Variants in TMPRSS15 observed in about 807,000 individuals in gnomAD.
TMPRSS15 encodes the protein enteropeptidase.
In TMPRSS15, 128 loss-of-function variants were observed where a neutral mutation model predicts 125.3. The ratio of observed to expected loss-of-function variants is 1.02; its 90% confidence interval spans 0.89 to 1.18. The LOEUF is 1.18. Among genes scored for constraint, TMPRSS15 ranks in the 50% most tolerant of loss-of-function variants. TMPRSS15 has a pLI of 0.00. For missense variants in TMPRSS15, 1,283 were observed against 1,212.7 expected, an observed-to-expected ratio of 1.06 and a Z score of -0.86; for synonymous variants, 446 against 423.2, an observed-to-expected ratio of 1.05 and a Z score of -0.66.
chr21:18,277,920 T>G (rs1432541256), intron 23 of TMPRSS15, among the ~76,000 whole-genome samples: 1 of 152,166 alleles, frequency 6.6e-6, no homozygotes, highest in African/African-American at 2.4e-5. Flanking sequence ...AGCCTTGTGG[T>G]TACATTTAGA....
intron 1 of TMPRSS15, among the ~76,000 whole-genome samples, chr21:18,484,262 T>C (rs1041668293): frequency 2.1e-4 from 32 of 152,016 alleles, no homozygotes; most frequent in African/African-American, 7.0e-4. Context: ...CAGGATACGA[T>C]AGCAAAACAA....
intron 12 of TMPRSS15, among the ~76,000 whole-genome samples, chr21:18,343,256 C>T (rs934661094): frequency 6.3e-4 from 96 of 152,110 alleles, no homozygotes; most frequent in East Asian, 3.9e-4. Flanking sequence ...TAAAAGACTT[C>T]GATGTATTTT....
At chr21:18,358,389 T>A (rs2075646073) in intron 8 of TMPRSS15, among the ~76,000 whole-genome samples, 1 of 151,932 alleles carries the variant, frequency 6.6e-6, no homozygotes, top group Admixed American at 6.6e-5. Context: ...TGGTAAAGTT[T>A]ATTAATGTCA....
chr21:18,315,550 T>C (rs9982987), intron 16 of TMPRSS15, among the ~76,000 whole-genome samples: 1 of 2,156 alleles, frequency 4.6e-4, no homozygotes, highest in African/African-American at 1.6e-3. Flanking sequence ...AAGGTGGAGC[T>C]AGCTTTGATA....
At chr21:18,484,312 C>A (rs1394021527) in intron 1 of TMPRSS15, among the ~76,000 whole-genome samples, 1 of 151,864 alleles carries the variant, frequency 6.6e-6, no homozygotes, top group African/African-American at 2.4e-5. Context: ...GTCAATGCTA[C>A]TCCCACAGTG....
At chr21:18,304,885 C>T (rs2075013434) in intron 18 of TMPRSS15, among the ~76,000 whole-genome samples, 1 of 151,772 alleles carries the variant, frequency 6.6e-6, no homozygotes, top group Non-Finnish European at 1.5e-5. Context: ...TAATTATATT[C>T]TTATTAATTT....
intron 24 of TMPRSS15, among the ~76,000 whole-genome samples, chr21:18,273,608 G>A (rs914295803): frequency 1.5e-4 from 23 of 152,122 alleles, no homozygotes; most frequent in African/African-American, 3.9e-4. Context: ...AGCATCAGCC[G>A]TCATATTTTC....
At chr21:18,453,784 C>T (rs1978385605) in intron 1 of TMPRSS15, among the ~76,000 whole-genome samples, 1 of 152,086 alleles carries the variant, frequency 6.6e-6, no homozygotes, top group African/African-American at 2.4e-5. Context: ...TAAAGAAAAT[C>T]TGGTATATAT....
At chr21:18,341,619 A>G (rs1034914476) in intron 12 of TMPRSS15, 71 bp from the exon 13 acceptor site, 1 of 1,497,986 alleles carries the variant, frequency 6.7e-7, no homozygotes, top group African/African-American at 1.4e-5. Flanking sequence ...TCTTCTTGTG[A>G]GCCCAAGAGA....
intron 1 of TMPRSS15, among the ~76,000 whole-genome samples, chr21:18,435,882 T>G (rs570225795): frequency 1.3e-5 from 2 of 152,226 alleles, no homozygotes; most frequent in East Asian, 3.9e-4. Flanking sequence ...GTCGAGGAAT[T>G]TATCCATTTC....
intron 1 of TMPRSS15, among the ~76,000 whole-genome samples, chr21:18,468,226 CAG>C (rs1199380365): frequency 6.6e-6 from 1 of 152,080 alleles, no homozygotes; most frequent in South Asian, 2.1e-4. Context: ...GGACAAGAAA[CAG>C]AGAGGCTCCT....
In TMPRSS15 at chr21:18,269,885, T is replaced by G; in HGVS notation, c.*84A>C. The G allele has an allele frequency of 1.3e-6, 2 of 1,546,134 alleles. No homozygotes were observed. Among genetic ancestry groups the G allele is most frequent in the Non-Finnish European group, 1.8e-6 (2 of 1,136,908 alleles). On this transcript the variant is annotated 3_prime_UTR_variant, in exon 25 of 25. Coordinates refer to ENST00000284885, the MANE Select transcript of TMPRSS15 (RefSeq NM_002772.3). ...AAAACCTTTGGTAACTTTTTAAAAT[T>G]TTTGTACGAAACACTTAATTTCCAT...
chr21:18,482,983 G>A (rs1979011872), intron 1 of TMPRSS15, among the ~76,000 whole-genome samples: 3 of 151,472 alleles, frequency 2.0e-5, no homozygotes, highest in African/African-American at 7.3e-5. Flanking sequence ...TTAGATTATT[G>A]TTAAATTACT....
At chr21:18,314,743 A>G (rs1314680621) in intron 17 of TMPRSS15, among the ~76,000 whole-genome samples, 2 of 152,198 alleles carry the variant, frequency 1.3e-5, no homozygotes, top group Non-Finnish European at 2.9e-5. Flanking sequence ...ATGAAAACTC[A>G]GCAGGGCAGG....
chr21:18,361,178 A>G (rs2075676752), intron 7 of TMPRSS15, among the ~76,000 whole-genome samples: 1 of 152,132 alleles, frequency 6.6e-6, no homozygotes, highest in Non-Finnish European at 1.5e-5. Context: ...TCATTTTCAG[A>G]TAATAGTTTC....
At chr21:18,371,230 T>C (rs2147044721) in intron 6 of TMPRSS15, among the ~76,000 whole-genome samples, 1 of 152,276 alleles carries the variant, frequency 6.6e-6, no homozygotes, top group African/African-American at 2.4e-5. Flanking sequence ...ATTATAACAA[T>C]ACTCAGAATG....
In TMPRSS15 at chr21:18,283,205, A is replaced by T. The variant is rs77338691; in HGVS notation, c.2487-1984T>A. On this transcript the variant is annotated intron_variant, in intron 21 of 24. Transcript: ENST00000284885. ...TTTAGCCTATGTAGGGAGAGTGAACAGAGCCAAATCTCTTCCCTGGTGTTC... is the reference window on the plus strand; with the variant it reads ...TTTAGCCTATGTAGGGAGAGTGAACTGAGCCAAATCTCTTCCCTGGTGTTC... Among the ~76,000 whole-genome samples, 708 of 152,308 alleles carry T rather than the reference A, an allele frequency of 4.6e-3. 4 individuals are homozygous for T. The highest frequency in any genetic ancestry group is 0.019 in the South Asian group (90 of 4,828).
intron 1 of TMPRSS15, among the ~76,000 whole-genome samples, chr21:18,447,627 T>C (rs1471883558): frequency 6.6e-6 from 1 of 152,124 alleles, no homozygotes; most frequent in Non-Finnish European, 1.5e-5. Flanking sequence ...GTTACCTCCA[T>C]GCTCTTCTGT....
At chr21:18,430,663 G>C (rs2076214798) in intron 1 of TMPRSS15, among the ~76,000 whole-genome samples, 1 of 152,092 alleles carries the variant, frequency 6.6e-6, no homozygotes, top group Non-Finnish European at 1.5e-5. Context: ...CCAAATATTA[G>C]CTTGTCAAAT....
Sources: allele counts gnomAD v4.1 joint callset (sites outside exome capture counted in the v4.1 genomes callset), GRCh38; gene constraint gnomAD v4.1.1; transcripts MANE v1.5; gene names NCBI Gene and HGNC (gene_info 2026-07-23, HGNC 2026-07-21).